TRAPPC8: variants seen among roughly 807,000 people sequenced by gnomAD.
The protein encoded by TRAPPC8 is general sporulation gene 1 homolog.
A neutral mutation model predicts 174.3 loss-of-function variants in TRAPPC8; 54 were observed. That is an observed-to-expected ratio of 0.31 (90% confidence interval 0.25 to 0.39). The LOEUF (loss-of-function observed/expected upper bound fraction) is 0.39. Ranked by LOEUF, TRAPPC8 falls within the 10% of genes least tolerant of loss-of-function variation. TRAPPC8 has a pLI of 1.00. For missense variants in TRAPPC8, 1,531 were observed against 1,699.1 expected (o/e 0.90, Z 1.74); for synonymous variants, 630 against 579.9 (o/e 1.09, Z -1.24).
intron 19 of TRAPPC8, among the ~76,000 whole-genome samples, chr18:31,864,079 T>G (rs2034469726): frequency 1.3e-5 from 2 of 148,434 alleles, no homozygotes. Context: ...ATAATATATA[T>G]GTTCTATAAA....
At chr18:31,866,496 AT>A (rs893323883) in intron 18 of TRAPPC8, among the ~76,000 whole-genome samples, 12 of 152,204 alleles carry the variant, frequency 7.9e-5, no homozygotes, top group South Asian at 2.1e-4. Context: ...TAAAAAGGAA[AT>A]ATTCAAAAAA....
rs142840513 is a variant in TRAPPC8 at position 31,928,025 on chromosome 18, G to A, written c.352+3304C>T. On this transcript the variant is annotated intron_variant, in intron 2 of 28. Coordinates refer to ENST00000283351, the MANE Select transcript of TRAPPC8 (RefSeq NM_014939.5). Reference sequence around the variant, plus strand: ...ACAAAAATTAGCCGGGTGTGGTGGTGCACACCTGTAGTCCCAGAAACTCAG... The same window carrying A: ...ACAAAAATTAGCCGGGTGTGGTGGTACACACCTGTAGTCCCAGAAACTCAG... Among the ~76,000 whole-genome samples the A allele has an allele frequency of 2.6e-3, 396 of 151,840 alleles. 2 individuals are homozygous for A. Among genetic ancestry groups the A allele is most frequent in the African/African-American group, 8.7e-3 (360 of 41,434 alleles).
rs557704933 is a variant in TRAPPC8 at position 31,893,408 on chromosome 18, C to T, written c.1597-2542G>A. ...GTGTGTGTGTGTGTGTGTGTGCGCGCGCGCGTGTGCCTGTGTGTGTGTTAC... is the reference window on the plus strand; with the variant it reads ...GTGTGTGTGTGTGTGTGTGTGCGCGTGCGCGTGTGCCTGTGTGTGTGTTAC... On this transcript the variant is annotated intron_variant, in intron 11 of 28. Coordinates refer to ENST00000283351, the MANE Select transcript of TRAPPC8 (RefSeq NM_014939.5). Among the ~76,000 whole-genome samples the T allele has an allele frequency of 2.4e-3, 368 of 151,208 alleles. 1 individual carries two copies. Among genetic ancestry groups the T allele is most frequent in the Admixed American group, 5.2e-3 (79 of 15,204 alleles).
intron 27 of TRAPPC8, chr18:31,833,199 T>G (rs903439679): frequency 6.6e-6 from 1 of 152,188 alleles, no homozygotes; most frequent in African/African-American, 2.4e-5. Flanking sequence ...ATTGCATAAT[T>G]TGTAGCCCAA....
intron 16 of TRAPPC8, 46 bp from the exon 17 acceptor site, chr18:31,867,522 T>C: frequency 7.8e-7 from 1 of 1,286,568 alleles, no homozygotes; most frequent in Non-Finnish European, 1.1e-6. Context: ...GAACAAAGTA[T>C]CAGATTATTA....
At chr18:31,884,078 A>G (rs2035586956) in intron 12 of TRAPPC8, among the ~76,000 whole-genome samples, 1 of 152,098 alleles carries the variant, frequency 6.6e-6, no homozygotes, top group African/African-American at 2.4e-5. Context: ...AATCCCAGCT[A>G]CTCGAGAGGC....
Position 31,874,721 on chromosome 18 carries a change from A to G in TRAPPC8, c.1729-17T>C. ...ATGCTTTTTCTGTAAGAAAATAAAC[A>G]AAATAATGTATTATACTCCAAATTT... On this transcript the variant is annotated splice_polypyrimidine_tract_variant and intron_variant, in intron 12 of 28. Coordinates refer to ENST00000283351, the MANE Select transcript of TRAPPC8 (RefSeq NM_014939.5). The G allele has an allele frequency of 6.2e-7, 1 of 1,603,430 alleles. No homozygotes were observed. Among genetic ancestry groups the G allele is most frequent in the Non-Finnish European group, 8.5e-7 (1 of 1,176,124 alleles).
chr18:31,929,801 A>C (rs2037774236), intron 2 of TRAPPC8, among the ~76,000 whole-genome samples: 1 of 152,232 alleles, frequency 6.6e-6, no homozygotes, highest in Non-Finnish European at 1.5e-5. Context: ...TACAACACTG[A>C]TGAGAGAAAA....
rs1568153924 is a variant in TRAPPC8 at position 31,933,019 on chromosome 18, A to AG, written c.158-1497_158-1496insC. Among the ~76,000 whole-genome samples the AG allele has an allele frequency of 3.2e-3, 425 of 134,056 alleles. 19 individuals are homozygous for AG. The highest frequency in any genetic ancestry group is 0.011 in the African/African-American group (413 of 36,270). The allele number at this position is 134,056 out of a possible 152,430, so 87.9% of individuals were successfully genotyped here. On this transcript the variant is annotated intron_variant, in intron 1 of 28. Transcript: ENST00000283351. ...TCTCAAAAAAAAAAAAAAAAAAAAA[A>AG]AGCCGGGCGCAGTGGCTCACACCTG...
intron 11 of TRAPPC8, among the ~76,000 whole-genome samples, chr18:31,894,794 C>T (rs1371826895): frequency 6.6e-6 from 1 of 152,124 alleles, no homozygotes; most frequent in Admixed American, 6.6e-5. Context: ...TCCCATAAGA[C>T]CAGTTACTCC....
At chr18:31,867,511 T>C in intron 16 of TRAPPC8, 35 bp from the exon 17 acceptor site, 4 of 1,357,828 alleles carry the variant, frequency 2.9e-6, no homozygotes, top group Non-Finnish European at 1.0e-6. Context: ...TACATTCCAA[T>C]GAACAAAGTA....
At chr18:31,866,033 T>A (rs1455932181) in intron 18 of TRAPPC8, among the ~76,000 whole-genome samples, 1 of 151,982 alleles carries the variant, frequency 6.6e-6, no homozygotes. Context: ...TAATTGAAAG[T>A]TAAAAGAACC....
intron 1 of TRAPPC8, among the ~76,000 whole-genome samples, chr18:31,934,774 G>A (rs1353248990): frequency 6.6e-6 from 1 of 151,706 alleles, no homozygotes; most frequent in Non-Finnish European, 1.5e-5. Context: ...GGCTGAGGCA[G>A]GAGAATCGCT....
In TRAPPC8 at chr18:31,849,562, A is replaced by G; in HGVS notation, c.3735+4T>C. ...GCTTGCTGAAATAATTTAGTAGCAC[A>G]TACCTTCCATAATATGACAATATTC... On this transcript the variant is annotated splice_donor_region_variant and intron_variant, in intron 25 of 28. Transcript: ENST00000283351. 1.9e-6 allele frequency: 3 copies of G among 1,598,292 alleles called. No individual in the cohort carries two copies. The highest frequency in any genetic ancestry group is 2.6e-6 in the Non-Finnish European group (3 of 1,172,516).
At chr18:31,934,859 A>G (rs566131258) in intron 1 of TRAPPC8, among the ~76,000 whole-genome samples, 1 of 151,446 alleles carries the variant, frequency 6.6e-6, no homozygotes, top group South Asian at 2.1e-4. Flanking sequence ...GAGAGCTGAG[A>G]TCACACTACT....
chr18:31,918,926 T>C (rs2145555753), intron 2 of TRAPPC8, among the ~76,000 whole-genome samples: 2 of 152,334 alleles, frequency 1.3e-5, no homozygotes, highest in Middle Eastern at 3.4e-3. Context: ...TGCTGATTTA[T>C]GCTGATATAT....
chr18:31,833,334 A>T (rs1380337728), intron 27 of TRAPPC8: 1 of 152,220 alleles, frequency 6.6e-6, no homozygotes, highest in Non-Finnish European at 1.5e-5. Flanking sequence ...CTCCTGGTCC[A>T]AAGTGAAACT....
chr18:31,832,474 A>G (rs1203121960), intron 27 of TRAPPC8: 1 of 154,598 alleles, frequency 6.5e-6, no homozygotes, highest in East Asian at 1.8e-4. Flanking sequence ...AAAATGAAAA[A>G]CAAAATCTCA....
intron 20 of TRAPPC8, among the ~76,000 whole-genome samples, chr18:31,856,682 TA>T (rs2034031675): frequency 1.3e-5 from 2 of 152,150 alleles, no homozygotes; most frequent in Admixed American, 6.5e-5. Flanking sequence ...GTGGCTGAAC[TA>T]ACTACATTCA....
Sources: gnomAD v4.1 joint callset for allele counts (sites outside exome capture counted in the v4.1 genomes callset) on GRCh38, gnomAD v4.1.1 for gene constraint, MANE v1.5 for transcripts, NCBI Gene and HGNC (gene_info 2026-07-23, HGNC 2026-07-21) for gene names.